The following KCNT2 variants were observed in gnomAD, a reference collection of about 807,000 sequenced individuals.
The protein encoded by KCNT2 is potassium sodium-activated channel subfamily T member 2.
KCNT2 carries 67 observed loss-of-function variants against 153.8 expected under a neutral mutation model. The observed-to-expected ratio is 0.44, with a 90% CI of 0.36 to 0.53. The LOEUF (loss-of-function observed/expected upper bound fraction) is 0.53, where lower values mean the gene tolerates loss of function less well. Among genes scored for constraint, KCNT2 ranks in the 20% least tolerant of loss-of-function variants. KCNT2 has a pLI of 0.00. For synonymous variants in KCNT2, 500 were observed against 458.8 expected (o/e 1.09, Z -1.15); for missense variants, 975 against 1,354.8 (o/e 0.72, Z 4.40).
intron 8 of KCNT2, among the ~76,000 whole-genome samples, chr1:196,458,007 C>A (rs1038693583): frequency 4.6e-5 from 7 of 151,838 alleles, no homozygotes; most frequent in East Asian, 3.9e-4. Context: ...GCAGATAACG[C>A]ACGAGACTAA....
At chr1:196,542,957 A>C (rs1396695254) in intron 1 of KCNT2, among the ~76,000 whole-genome samples, 2 of 152,182 alleles carry the variant, frequency 1.3e-5, no homozygotes, top group African/African-American at 4.8e-5. Flanking sequence ...GAAGGATACA[A>C]GTCAACTACA....
At chr1:196,356,657 G>C (rs538608794) in intron 14 of KCNT2, among the ~76,000 whole-genome samples, 27 of 151,832 alleles carry the variant, frequency 1.8e-4, no homozygotes, top group Non-Finnish European at 3.2e-4. Flanking sequence ...TAACAGAAAA[G>C]AATTTTTTCA....
At chr1:196,372,988 T>C in intron 14 of KCNT2, 152 bp downstream of exon 14, 1 of 513,582 alleles carries the variant, frequency 1.9e-6, no homozygotes, top group Non-Finnish European at 3.5e-6. Context: ...CATGTCTTTA[T>C]TTATCTACCA....
At chr1:196,240,692 A>T (rs1200956662) in intron 26 of KCNT2, among the ~76,000 whole-genome samples, 1 of 151,998 alleles carries the variant, frequency 6.6e-6, no homozygotes, top group South Asian at 2.1e-4. Flanking sequence ...AGAGGAGAAG[A>T]TTAATTTGAG....
intron 8 of KCNT2, among the ~76,000 whole-genome samples, chr1:196,442,373 A>C (rs1049803703): frequency 6.6e-6 from 1 of 151,816 alleles, no homozygotes; most frequent in African/African-American, 2.4e-5. Flanking sequence ...GAGTACTATT[A>C]AGTGTCAGGC....
intron 8 of KCNT2, among the ~76,000 whole-genome samples, chr1:196,464,926 C>G (rs892270751): frequency 3.3e-5 from 5 of 151,956 alleles, no homozygotes; most frequent in Non-Finnish European, 7.4e-5. Flanking sequence ...GTTTTCTCAA[C>G]AGTGTTTCTG....
intron 12 of KCNT2, among the ~76,000 whole-genome samples, chr1:196,399,125 A>G (rs1352082202): frequency 1.6e-5 from 2 of 121,508 alleles, no homozygotes; most frequent in African/African-American, 5.9e-5. Context: ...CTGTGTGTGT[A>G]CCTGTGTGGT....
chr1:196,228,213 T>C lies in KCNT2; in HGVS notation c.*11A>G. ...GTCTTTGTAGGAAAAAAGTTTCTCA[T>C]TTTATTTTTATCAAAGTTGAGTTTC... On this transcript the variant is annotated 3_prime_UTR_variant, in exon 28 of 28. Coordinates refer to ENST00000294725, the MANE Select transcript of KCNT2 (RefSeq NM_198503.5). The C allele has an allele frequency of 6.4e-7, 1 of 1,558,650 alleles. No homozygotes were observed. The highest frequency in any genetic ancestry group is 8.8e-7 in the Non-Finnish European group (1 of 1,134,120).
At chr1:196,430,461 T>C (rs1160305577) in intron 8 of KCNT2, among the ~76,000 whole-genome samples, 1 of 151,958 alleles carries the variant, frequency 6.6e-6, no homozygotes, top group East Asian at 1.9e-4. Context: ...GTGTGCTTTC[T>C]CTCTCTTTGC....
chr1:196,535,204 T>C (rs1035679998), intron 1 of KCNT2, among the ~76,000 whole-genome samples: 32 of 152,198 alleles, frequency 2.1e-4, no homozygotes, highest in African/African-American at 7.5e-4. Flanking sequence ...GACTGTACCA[T>C]GGCCCTCATC....
intron 13 of KCNT2, among the ~76,000 whole-genome samples, chr1:196,381,973 A>G (rs932561879): frequency 2.0e-5 from 3 of 152,206 alleles, no homozygotes; most frequent in Admixed American, 6.5e-5. Flanking sequence ...AAATACTGCA[A>G]TAAATGGTAA....
rs866475985 is a variant in KCNT2, at chr1:196,334,491, T to C, written c.1784-431A>G. ...CTTTTATTTCTTTCTTTCTTTCTTT[T>C]TTTTTTTTAAGACAGAGTCTCGCTC... is the stretch of plus-strand genomic sequence containing the variant. On this transcript the variant is annotated intron_variant, in intron 16 of 27. Coordinates refer to ENST00000294725, the MANE Select transcript of KCNT2 (RefSeq NM_198503.5). 3.7e-5 allele frequency among the ~76,000 whole-genome samples: 5 copies of C among 136,314 alleles called. 2 individuals carry two copies. The highest frequency in any genetic ancestry group is 2.2e-4 in the Admixed American group (3 of 13,402). 89.4% of individuals were successfully genotyped at this position (136,314 alleles called of 152,430 possible). A position where few individuals can be genotyped will look rare whatever the true frequency, so the allele number is the denominator to read the frequency against.
chr1:196,557,115 T>A (rs1658780447), intron 1 of KCNT2, among the ~76,000 whole-genome samples: 1 of 151,234 alleles, frequency 6.6e-6, no homozygotes, highest in Non-Finnish European at 1.5e-5. Context: ...AATAATTTAA[T>A]CATATATTTT....
intron 1 of KCNT2, among the ~76,000 whole-genome samples, chr1:196,520,816 TA>T (rs1653276985): frequency 6.6e-6 from 1 of 152,158 alleles, no homozygotes; most frequent in Non-Finnish European, 1.5e-5. Context: ...ATCAAAGAGT[TA>T]AATGTAAAAC....
intron 14 of KCNT2, among the ~76,000 whole-genome samples, chr1:196,342,764 C>T (rs76802158): frequency 6.6e-6 from 1 of 151,800 alleles, no homozygotes; most frequent in South Asian, 2.1e-4. Flanking sequence ...TTGTTCATAT[C>T]GTAGCAATAA....
Position 196,334,045 on chromosome 1 carries a change from T to C in KCNT2, c.1799A>G (p.Asp600Gly). 1 of 1,612,664 alleles carries C rather than the reference T, an allele frequency of 6.2e-7. No homozygotes were observed. Among genetic ancestry groups the C allele is most frequent in the Non-Finnish European group, 8.5e-7 (1 of 1,179,154 alleles). ...IIASMGTVAI[D>G]LQDTSCRSAS... is the part of the protein sequence containing the mutation. ...TGATCTACAGCTTGTATCTTGCAAG[T>C]CTATAGCCACAGTACCTAAAACAAT... is the stretch of plus-strand genomic sequence containing the variant. The change falls in exon 17 of 28, where the codon GAC becomes GGC. Residue 600 changes from aspartate to glycine, a missense_variant. Around this residue, in one of 6 missense-constraint regions of KCNT2, gnomAD observed 325 missense variants for 388.1 expected, o/e 0.84. Transcript: ENST00000294725.
chr1:196,401,305 A>C (rs1671396086), intron 12 of KCNT2, among the ~76,000 whole-genome samples: 1 of 151,824 alleles, frequency 6.6e-6, no homozygotes, highest in Non-Finnish European at 1.5e-5. Context: ...ATGCAGTATT[A>C]TTCAATTTAT....
At chr1:196,379,591 CTCTCTCTCTCTCTCT>C (rs1669299303) in intron 13 of KCNT2, among the ~76,000 whole-genome samples, 2 of 150,876 alleles carry the variant, frequency 1.3e-5, no homozygotes, top group African/African-American at 4.9e-5. Flanking sequence ...CTCTCTCTCT[CTCTCTCTCTCTCTCT>C]CTGTATATAT....
intron 26 of KCNT2, among the ~76,000 whole-genome samples, chr1:196,245,512 C>T (rs1045906968): frequency 6.6e-6 from 1 of 152,214 alleles, no homozygotes; most frequent in African/African-American, 2.4e-5. Context: ...ACATCCTCAC[C>T]AAACAAAATA....
Sources: allele counts gnomAD v4.1 joint callset (sites outside exome capture counted in the v4.1 genomes callset), GRCh38; gene constraint gnomAD v4.1.1; regional missense constraint gnomAD v4.1.1; transcripts MANE v1.5; gene names NCBI Gene and HGNC (gene_info 2026-07-23, HGNC 2026-07-21).